The following FHIT variants were observed in gnomAD, a reference collection of about 807,000 sequenced individuals.
FHIT encodes bis(5'-adenosyl)-triphosphatase.
A neutral mutation model predicts 17.9 loss-of-function variants in FHIT; 19 were observed. That is an observed-to-expected ratio of 1.06 (90% CI 0.74 to 1.56). FHIT has a LOEUF of 1.56. Ranked by LOEUF, FHIT falls within the 40% of genes most tolerant of loss-of-function variation. The probability of loss-of-function intolerance (pLI) is 0.00; values close to 1 mark genes in which losing one functional copy is unlikely to be tolerated. For missense variants in FHIT, 248 were observed against 189.2 expected, an observed-to-expected ratio of 1.31 and a Z score of -1.82; for synonymous variants, 81 against 69.7, an observed-to-expected ratio of 1.16 and a Z score of -0.81.
At chr3:60,046,423 G>A (rs1701655668) in intron 5 of FHIT, among the ~76,000 whole-genome samples, 1 of 152,212 alleles carries the variant, frequency 6.6e-6, no homozygotes, top group Non-Finnish European at 1.5e-5. Flanking sequence ...TGCCATCGGT[G>A]TTTACAAGCT....
At chr3:60,562,062 C>T (rs1049004223) in intron 4 of FHIT, among the ~76,000 whole-genome samples, 2 of 152,078 alleles carry the variant, frequency 1.3e-5, no homozygotes, top group Non-Finnish European at 2.9e-5. Flanking sequence ...TGTTTGAGTT[C>T]TCATTCATTT....
intron 5 of FHIT, among the ~76,000 whole-genome samples, chr3:60,160,344 C>T (rs993879055): frequency 6.6e-6 from 1 of 152,226 alleles, no homozygotes; most frequent in Non-Finnish European, 1.5e-5. Flanking sequence ...TTTGAACTTG[C>T]TGCTTCATGG....
intron 2 of FHIT, among the ~76,000 whole-genome samples, chr3:61,128,853 G>A (rs1488992952): frequency 6.6e-6 from 1 of 151,260 alleles, no homozygotes; most frequent in Non-Finnish European, 1.5e-5. Context: ...CCTCTCCAAT[G>A]CTCAACTCGA....
At chr3:60,017,883 C>A (rs920540299) in intron 5 of FHIT, among the ~76,000 whole-genome samples, 3 of 152,290 alleles carry the variant, frequency 2.0e-5, no homozygotes, top group South Asian at 4.2e-4. Context: ...GCAAATGTGA[C>A]CACAAGAATC....
intron 8 of FHIT, among the ~76,000 whole-genome samples, chr3:59,897,853 G>A (rs1704141922): frequency 6.6e-6 from 1 of 151,138 alleles, no homozygotes; most frequent in Non-Finnish European, 1.5e-5. Context: ...TGCAAGCTCC[G>A]CCTCCCGGGT....
intron 4 of FHIT, among the ~76,000 whole-genome samples, chr3:60,541,492 G>T (rs2036184733): frequency 1.3e-5 from 2 of 152,046 alleles, no homozygotes; most frequent in South Asian, 2.1e-4. Flanking sequence ...TACATGTGGG[G>T]CTATTCGTAC....
intron 3 of FHIT, among the ~76,000 whole-genome samples, chr3:61,007,039 C>G (rs1435393130): frequency 1.3e-5 from 2 of 152,178 alleles, no homozygotes; most frequent in East Asian, 3.9e-4. Flanking sequence ...ATCTTGCTGT[C>G]TTATTTTTTA....
intron 5 of FHIT, among the ~76,000 whole-genome samples, chr3:60,334,282 A>G (rs1221676085): frequency 6.6e-6 from 1 of 152,208 alleles, no homozygotes; most frequent in African/African-American, 2.4e-5. Context: ...CTGCCTGACC[A>G]ACAGTTACTG....
At chr3:60,428,375 A>G (rs560879714) in intron 5 of FHIT, among the ~76,000 whole-genome samples, 1 of 152,210 alleles carries the variant, frequency 6.6e-6, no homozygotes, top group Admixed American at 6.5e-5. Flanking sequence ...TTCCCTGTCA[A>G]TCGGACTTGA....
intron 5 of FHIT, among the ~76,000 whole-genome samples, chr3:60,155,260 T>A (rs1277098600): frequency 6.6e-6 from 1 of 152,052 alleles, no homozygotes; most frequent in African/African-American, 2.4e-5. Flanking sequence ...GTCACACGGC[T>A]GTCAGTGCTT....
chr3:60,667,323 T>C (rs1169526475), intron 4 of FHIT, among the ~76,000 whole-genome samples: 1 of 152,096 alleles, frequency 6.6e-6, no homozygotes, highest in Non-Finnish European at 1.5e-5. Context: ...TCTGATTGGG[T>C]GGATTCCATT....
At chr3:60,825,636 G>A (rs1431184082) in intron 3 of FHIT, among the ~76,000 whole-genome samples, 1 of 152,110 alleles carries the variant, frequency 6.6e-6, no homozygotes, top group Non-Finnish European at 1.5e-5. Context: ...AGGAACCCTA[G>A]TGTGAACTGT....
chr3:60,153,591 G>T (rs774985172), intron 5 of FHIT, among the ~76,000 whole-genome samples: 88 of 152,286 alleles, frequency 5.8e-4, no homozygotes, highest in Non-Finnish European at 1.2e-3. Context: ...CCCAGGCACT[G>T]CTTTTCTTTG....
chr3:59,776,713 G>A (rs1473422755), intron 8 of FHIT, among the ~76,000 whole-genome samples: 2 of 152,174 alleles, frequency 1.3e-5, no homozygotes, highest in African/African-American at 2.4e-5. Flanking sequence ...AATAATCAGA[G>A]CTGACATTTA....
chr3:60,550,720 C>A (rs774108462), intron 4 of FHIT, among the ~76,000 whole-genome samples: 1 of 151,902 alleles, frequency 6.6e-6, no homozygotes, highest in Non-Finnish European at 1.5e-5. Context: ...ACTTAATAAC[C>A]TTTCCTCATC....
At chr3:60,972,566 T>C (rs1239965284) in intron 3 of FHIT, among the ~76,000 whole-genome samples, 1 of 152,130 alleles carries the variant, frequency 6.6e-6, no homozygotes, top group Admixed American at 6.5e-5. Flanking sequence ...GGCTTTTTTT[T>C]TTTCTTACAC....
chr3:59,896,806 A>G (rs1179923309), intron 8 of FHIT, among the ~76,000 whole-genome samples: 1 of 152,208 alleles, frequency 6.6e-6, no homozygotes, highest in Non-Finnish European at 1.5e-5. Context: ...ATTCACAAGC[A>G]GTATCAGAGG....
chr3:60,896,157 C>T (rs1553761906), intron 3 of FHIT, among the ~76,000 whole-genome samples: 1 of 152,092 alleles, frequency 6.6e-6, no homozygotes, highest in East Asian at 1.9e-4. Flanking sequence ...ACAGTTTCAT[C>T]CTGAAACTAT....
chr3:59,908,368 GT>G (rs949159051), intron 8 of FHIT, among the ~76,000 whole-genome samples: 1 of 152,112 alleles, frequency 6.6e-6, no homozygotes, highest in African/African-American at 2.4e-5. Context: ...GAACAGACAA[GT>G]TTTTTTTGAG....
Sources: allele counts gnomAD v4.1 joint callset (sites outside exome capture counted in the v4.1 genomes callset), GRCh38; gene constraint gnomAD v4.1.1; transcripts MANE v1.5; gene names NCBI Gene and HGNC (gene_info 2026-07-23, HGNC 2026-07-21).